The following CTNNA3 variants were observed in gnomAD, a reference collection of about 807,000 sequenced individuals.
The protein encoded by CTNNA3 is catenin alpha-3.
In CTNNA3, 76 loss-of-function variants were observed where a neutral mutation model predicts 95.7. The observed-to-expected ratio is 0.79, with a 90% CI of 0.66 to 0.96. CTNNA3 has a LOEUF of 0.96. CTNNA3 is among the 40% of genes least tolerant of loss of function. The pLI is 0.00. For missense variants in CTNNA3, 1,191 were observed against 1,089.8 expected (o/e 1.09, Z -1.31); for synonymous variants, 431 against 374.4 (o/e 1.15, Z -1.74).
chr10:67,276,241 T>C (rs981235188), intron 5 of CTNNA3, among the ~76,000 whole-genome samples: 2 of 152,174 alleles, frequency 1.3e-5, no homozygotes, highest in Admixed American at 6.5e-5. Flanking sequence ...AACAATGTTT[T>C]TGTCTGATTG....
At chr10:66,045,782 C>T (rs2079816727) in intron 15 of CTNNA3, among the ~76,000 whole-genome samples, 1 of 152,108 alleles carries the variant, frequency 6.6e-6, no homozygotes, top group Non-Finnish European at 1.5e-5. Flanking sequence ...AATCTGGAAA[C>T]AAAACCAACC....
chr10:66,226,377 T>G (rs1205169630), intron 13 of CTNNA3, among the ~76,000 whole-genome samples: 3 of 152,188 alleles, frequency 2.0e-5, no homozygotes, highest in African/African-American at 4.8e-5. Context: ...CGTGGATTTA[T>G]TTCTGGGTTC....
intron 17 of CTNNA3, among the ~76,000 whole-genome samples, chr10:65,937,744 A>G (rs1416476714): frequency 1.3e-5 from 2 of 152,176 alleles, no homozygotes; most frequent in Non-Finnish European, 2.9e-5. Flanking sequence ...AGGATAAGAA[A>G]AACTCTAATT....
At chr10:67,670,283 C>A (rs1840406390) in intron 1 of CTNNA3, among the ~76,000 whole-genome samples, 1 of 152,182 alleles carries the variant, frequency 6.6e-6, no homozygotes, top group African/African-American at 2.4e-5. Context: ...GATTTCACTA[C>A]TAAGCAGCCA....
chr10:67,034,487 T>G (rs1853922760), intron 7 of CTNNA3, among the ~76,000 whole-genome samples: 1 of 152,342 alleles, frequency 6.6e-6, no homozygotes, highest in Non-Finnish European at 1.5e-5. Context: ...CTCTAGTGTC[T>G]TAGGCTCTCC....
Position 66,621,685 on chromosome 10 carries a change from G to A in CTNNA3, c.1374+7C>T, listed in dbSNP as rs2132317507. On this transcript the variant is annotated splice_region_variant and intron_variant, in intron 10 of 17. Coordinates refer to ENST00000433211, the MANE Select transcript of CTNNA3 (RefSeq NM_013266.4). ...TTTACACACAAAAAGTAACTTAGTT[G>A]TCATACCTGTGGACACAAGGTTTCC... 6.5e-7 allele frequency: 1 copy of A among 1,545,246 alleles called. No individual in the cohort carries two copies.
intron 17 of CTNNA3, among the ~76,000 whole-genome samples, chr10:65,920,881 A>G (rs1189510155): frequency 6.6e-6 from 1 of 152,184 alleles, no homozygotes; most frequent in East Asian, 1.9e-4. Flanking sequence ...TATTAATGTC[A>G]CAATAAGCTG....
At chr10:66,485,176 A>G (rs968063738) in intron 11 of CTNNA3, among the ~76,000 whole-genome samples, 1 of 152,144 alleles carries the variant, frequency 6.6e-6, no homozygotes, top group African/African-American at 2.4e-5. Context: ...AGGAATAAGA[A>G]AAGTGTGCAT....
At chr10:66,121,320 T>A (rs1243065393) in intron 13 of CTNNA3, among the ~76,000 whole-genome samples, 1 of 152,260 alleles carries the variant, frequency 6.6e-6, no homozygotes, top group Non-Finnish European at 1.5e-5. Context: ...TAAATCTCTT[T>A]ACCTAATTTA....
At chr10:66,935,329 C>T (rs554406540) in intron 7 of CTNNA3, among the ~76,000 whole-genome samples, 6 of 152,038 alleles carry the variant, frequency 3.9e-5, no homozygotes, top group South Asian at 2.1e-4. Flanking sequence ...ATAGTTATAA[C>T]GGTGAAAACT....
At chr10:67,280,876 G>A (rs974807640) in intron 5 of CTNNA3, among the ~76,000 whole-genome samples, 7 of 152,054 alleles carry the variant, frequency 4.6e-5, no homozygotes, top group African/African-American at 1.7e-4. Context: ...TCTTATATCT[G>A]TGGGACTCTC....
intron 7 of CTNNA3, among the ~76,000 whole-genome samples, chr10:66,964,325 G>T (rs554435692): frequency 1.3e-5 from 2 of 151,768 alleles, no homozygotes; most frequent in Non-Finnish European, 2.9e-5. Flanking sequence ...CATTGGTGGG[G>T]GAGATACACT....
intron 5 of CTNNA3, among the ~76,000 whole-genome samples, chr10:67,362,063 GA>G (rs766505784): frequency 6.6e-6 from 1 of 152,002 alleles, no homozygotes; most frequent in Non-Finnish European, 1.5e-5. Flanking sequence ...TCCCAAGATT[GA>G]AACAGGAAGA....
intron 7 of CTNNA3, among the ~76,000 whole-genome samples, chr10:67,110,314 T>C (rs898116117): frequency 6.6e-6 from 1 of 152,168 alleles, no homozygotes; most frequent in Admixed American, 6.5e-5. Context: ...TGTTCTGTAT[T>C]CCAATTAAGA....
intron 8 of CTNNA3, among the ~76,000 whole-genome samples, chr10:66,774,898 T>G (rs1840232851): frequency 6.6e-6 from 1 of 152,210 alleles, no homozygotes; most frequent in Non-Finnish European, 1.5e-5. Flanking sequence ...GACTTAAGGT[T>G]AAAAAGAAGG....
chr10:67,063,977 C>G (rs1309085715), intron 7 of CTNNA3, among the ~76,000 whole-genome samples: 1 of 152,202 alleles, frequency 6.6e-6, no homozygotes, highest in East Asian at 1.9e-4. Flanking sequence ...AAAAGTAACA[C>G]AGTCAGTTGG....
intron 1 of CTNNA3, among the ~76,000 whole-genome samples, chr10:67,738,631 A>C (rs2133638450): frequency 6.6e-6 from 1 of 152,174 alleles, no homozygotes; most frequent in South Asian, 2.1e-4. Flanking sequence ...TCAGATGATC[A>C]AACTACTCTG....
chr10:67,508,573 G>A (rs1452945197), intron 5 of CTNNA3, among the ~76,000 whole-genome samples: 1 of 152,084 alleles, frequency 6.6e-6, no homozygotes, highest in African/African-American at 2.4e-5. Context: ...AAACAAAGGG[G>A]AAATGCTCTA....
intron 5 of CTNNA3, among the ~76,000 whole-genome samples, chr10:67,251,730 T>C (rs965348175): frequency 1.3e-5 from 2 of 152,086 alleles, no homozygotes; most frequent in African/African-American, 2.4e-5. Flanking sequence ...ATAATCTCAA[T>C]ATAAATTACA....
Sources: allele counts gnomAD v4.1 joint callset (sites outside exome capture counted in the v4.1 genomes callset), GRCh38; gene constraint gnomAD v4.1.1; transcripts MANE v1.5; gene names NCBI Gene and HGNC (gene_info 2026-07-23, HGNC 2026-07-21).